PPP1R1C: variants seen among roughly 807,000 people sequenced by gnomAD.
PPP1R1C encodes protein phosphatase 1 regulatory subunit 1C.
PPP1R1C carries 15 observed loss-of-function variants against 17.4 expected under a neutral mutation model. That is an observed-to-expected ratio of 0.86 (90% confidence interval 0.58 to 1.33). The LOEUF is 1.33. Among genes scored for constraint, PPP1R1C ranks in the 40% most tolerant of loss-of-function variants. The pLI, the probability that PPP1R1C is intolerant of heterozygous loss-of-function variation, is 0.00. For missense variants in PPP1R1C, 143 were observed against 130.0 expected (o/e 1.10, Z -0.48); for synonymous variants, 35 against 43.1 (o/e 0.81, Z 0.73).
In PPP1R1C at chr2:181,986,072, C is replaced by T. The variant is rs948492669; in HGVS notation, c.-39C>T. On this transcript the variant is annotated 5_prime_UTR_variant, in exon 1 of 5. Coordinates refer to ENST00000682840, the MANE Select transcript of PPP1R1C (RefSeq NM_001080545.3). ...CGGACACCACTTAGGGTTAGTCTTTCTGAGCTCTTCACATCTCTGACTAAT... is the reference window on the plus strand; with the variant it reads ...CGGACACCACTTAGGGTTAGTCTTTTTGAGCTCTTCACATCTCTGACTAAT... 1 of 1,534,198 alleles carries T rather than the reference C, an allele frequency of 6.5e-7. No individual in the cohort carries two copies. Among genetic ancestry groups the T allele is most frequent in the Non-Finnish European group, 9.0e-7 (1 of 1,107,342 alleles).
At chr2:181,963,744 T>C (rs528105444) in intron 1 of PPP1R1C, among the ~76,000 whole-genome samples, 1 of 151,856 alleles carries the variant, frequency 6.6e-6, no homozygotes, top group South Asian at 2.1e-4. Flanking sequence ...AGGAATAATA[T>C]TGAAGTTGTG....
At chr2:182,095,627 AT>A (rs1386448508) in intron 4 of PPP1R1C, among the ~76,000 whole-genome samples, 1 of 152,176 alleles carries the variant, frequency 6.6e-6, no homozygotes, top group African/African-American at 2.4e-5. Context: ...GTAGTTTTCA[AT>A]GTATAAATAA....
chr2:182,022,486 A>G (rs1686457068), intron 2 of PPP1R1C, among the ~76,000 whole-genome samples: 1 of 152,224 alleles, frequency 6.6e-6, no homozygotes, highest in Admixed American at 6.5e-5. Context: ...GTGGCAGTGA[A>G]GGAAAGAAAT....
rs1297782460 is a variant in PPP1R1C at position 182,126,086 on chromosome 2, A to C, written c.*7-2888A>C. The stretch of plus-strand genomic sequence containing the variant: ...GTTTTAAATATTGTCATAGCAAACA[A>C]CTTAAGTGTAAGTATTACAGAGTTC... On this transcript the variant is annotated intron_variant, in intron 5 of 5. Transcript: ENST00000280295. Among the ~76,000 whole-genome samples, 3 of 152,144 alleles carry C rather than the reference A, an allele frequency of 2.0e-5. No homozygotes were observed. In the East Asian group the frequency reaches 5.8e-4, roughly 29 times the overall value.
intron 2 of PPP1R1C, among the ~76,000 whole-genome samples, chr2:182,042,186 A>T (rs1482128330): frequency 2.6e-5 from 4 of 152,260 alleles, no homozygotes; most frequent in Non-Finnish European, 5.9e-5. Flanking sequence ...TACTCTACTT[A>T]TTTGGTAAAA....
At chr2:181,973,323 A>G (rs1273905416) in intron 1 of PPP1R1C, among the ~76,000 whole-genome samples, 1 of 152,236 alleles carries the variant, frequency 6.6e-6, no homozygotes, top group Non-Finnish European at 1.5e-5. Context: ...GAATAAGCCT[A>G]CATTCTGCAT....
intron 2 of PPP1R1C, among the ~76,000 whole-genome samples, chr2:181,989,347 T>C (rs1459487654): frequency 2.0e-5 from 3 of 152,178 alleles, no homozygotes; most frequent in African/African-American, 4.8e-5. Flanking sequence ...ATATGTGCCA[T>C]TTGGATGAGG....
At chr2:182,090,820 C>A (rs1688759857) in intron 4 of PPP1R1C, among the ~76,000 whole-genome samples, 1 of 151,980 alleles carries the variant, frequency 6.6e-6, no homozygotes, top group South Asian at 2.1e-4. Flanking sequence ...GAAAAGAAAC[C>A]AAATTCTCCA....
chr2:181,974,464 T>C lies in PPP1R1C; in HGVS notation n.112-755T>C, dbSNP rs75863565. Among the ~76,000 whole-genome samples, 130 of 152,316 alleles carry C rather than the reference T, an allele frequency of 8.5e-4. 3 individuals are homozygous for C. The East Asian group carries it at 0.022, about 26-fold the overall frequency. The stretch of plus-strand genomic sequence containing the variant: ...CTTTAATATTATCACAGAATATATA[T>C]ATTCTAGTCTTGTCACAAACTGTAA... On this transcript the variant is annotated intron_variant and non_coding_transcript_variant, in intron 1 of 5. Transcript: ENST00000464264.
chr2:182,041,208 A>T (rs1276881200), intron 2 of PPP1R1C, among the ~76,000 whole-genome samples: 1 of 152,224 alleles, frequency 6.6e-6, no homozygotes, highest in African/African-American at 2.4e-5. Context: ...ATATCTTTAT[A>T]GGAATTGCAT....
chr2:181,997,909 GCTC>G (rs1559050330), intron 2 of PPP1R1C, among the ~76,000 whole-genome samples: 1 of 152,044 alleles, frequency 6.6e-6, no homozygotes, highest in Non-Finnish European at 1.5e-5. Context: ...ATCATCTCTG[GCTC>G]CTCTATCTCT....
intron 1 of PPP1R1C, among the ~76,000 whole-genome samples, chr2:181,965,846 A>G (rs772821859): frequency 1.2e-4 from 19 of 152,114 alleles, no homozygotes; most frequent in Non-Finnish European, 2.8e-4. Flanking sequence ...GAAGAATGTC[A>G]TTGGTATTTG....
intron 2 of PPP1R1C, among the ~76,000 whole-genome samples, chr2:182,013,614 C>G (rs1686154928): frequency 6.6e-6 from 1 of 152,084 alleles, no homozygotes; most frequent in Non-Finnish European, 1.5e-5. Context: ...TTTGAATAAA[C>G]TTTCTATACC....
chr2:181,965,801 CA>C (rs1684896104), intron 1 of PPP1R1C, among the ~76,000 whole-genome samples: 8 of 152,074 alleles, frequency 5.3e-5, no homozygotes, highest in Non-Finnish European at 8.8e-5. Context: ...TTGGTGGTTC[CA>C]TATAAATTTT....
chr2:182,033,506 G>A (rs1686908165), intron 2 of PPP1R1C, among the ~76,000 whole-genome samples: 1 of 152,070 alleles, frequency 6.6e-6, no homozygotes, highest in African/African-American at 2.4e-5. Context: ...TCCTTGTTAT[G>A]TATTCTTTAA....
intron 5 of PPP1R1C, among the ~76,000 whole-genome samples, chr2:182,127,147 C>G (rs753780100): frequency 9.2e-5 from 14 of 152,022 alleles, no homozygotes; most frequent in Non-Finnish European, 1.8e-4. Context: ...ACAAGGCAGA[C>G]AGTTACCAGA....
Position 181,976,003 on chromosome 2 carries a change from TA to T in PPP1R1C, n.157+744del, listed in dbSNP as rs1467609916. Among the ~76,000 whole-genome samples the T allele has an allele frequency of 6.6e-6, 1 of 152,062 alleles. No homozygotes were observed. The highest frequency in any genetic ancestry group is 1.5e-5 in the Non-Finnish European group (1 of 67,938). On this transcript the variant is annotated intron_variant and non_coding_transcript_variant, in intron 2 of 5. Coordinates refer to the PPP1R1C transcript ENST00000464264. This position sits in a 1 kb window ranked among gnomAD's most constrained non-coding sequence, Gnocchi z 4.8. ...TCTGCATCAAAATGCAAAAGAACCT[TA>T]AAAATATTATTTAAAATTATCTTTG...
At chr2:182,108,213 C>T (rs770042540) in intron 4 of PPP1R1C, among the ~76,000 whole-genome samples, 1 of 143,770 alleles carries the variant, frequency 7.0e-6, no homozygotes, top group African/African-American at 2.7e-5. Context: ...TTCAAATATA[C>T]CTCAATAAAA....
rs530516631 is a variant in PPP1R1C at position 182,053,446 on chromosome 2, A to T, written c.143-7996A>T. On this transcript the variant is annotated intron_variant, in intron 2 of 4. Coordinates refer to ENST00000682840, the MANE Select transcript of PPP1R1C (RefSeq NM_001080545.3). The stretch of plus-strand genomic sequence containing the variant: ...AAATGGCTGTATTTTGTCATTTTTG[A>T]ATACAACTTAGTGGGTAGAAAAATA... Among the ~76,000 whole-genome samples the T allele has an allele frequency of 2.7e-3, 407 of 152,290 alleles. 4 individuals carry two copies. The highest frequency in any genetic ancestry group is 2.0e-3 in the Non-Finnish European group (135 of 68,014).
Sources: gnomAD v4.1 joint callset for allele counts (sites outside exome capture counted in the v4.1 genomes callset) on GRCh38, gnomAD v4.1.1 for gene constraint, Gnocchi (gnomAD v3.1) non-coding constraint, MANE v1.5 for transcripts, NCBI Gene and HGNC (gene_info 2026-07-23, HGNC 2026-07-21) for gene names.